NFILZ: variants seen among roughly 807,000 people sequenced by gnomAD.
NFILZ encodes NFIL3 like protein.
At chr19:8,641,439 A>C (rs1206517529) in intron 3 of NFILZ, among the ~76,000 whole-genome samples, 1 of 152,168 alleles carries the variant, frequency 6.6e-6, no homozygotes, top group African/African-American at 2.4e-5. Context: ...CATTGCCAAA[A>C]TTCCTCCCAC....
At chr19:8,668,285 A>ACTGTTGTC (rs368232136) in intron 3 of NFILZ, among the ~76,000 whole-genome samples, 1 of 151,546 alleles carries the variant, frequency 6.6e-6, no homozygotes, top group Non-Finnish European at 1.5e-5. Context: ...CATTATTTTT[A>ACTGTTGTC]TTGTTGTCTT....
At chr19:8,632,754 G>T (rs1272514075) in intron 2 of NFILZ, 129 bp downstream of exon 2, 1 of 147,006 alleles carries the variant, frequency 6.8e-6, no homozygotes, top group African/African-American at 2.5e-5. Context: ...ACGGAATCTC[G>T]CTCTGTCCCC....
chr19:8,656,445 C>CCCT (rs1568421649), intron 3 of NFILZ, among the ~76,000 whole-genome samples: 2 of 18,826 alleles, frequency 1.1e-4, no homozygotes, highest in African/African-American at 2.4e-4. Context: ...ACCTTCTCCT[C>CCCT]GAAGCCCACC....
intron 3 of NFILZ, among the ~76,000 whole-genome samples, chr19:8,668,345 T>C (rs1257535864): frequency 6.6e-6 from 1 of 152,246 alleles, no homozygotes; most frequent in East Asian, 1.9e-4. Context: ...GTTGAATCCA[T>C]GGATATGGAA....
At chr19:8,632,871 C>T (rs574072851) in intron 2 of NFILZ, among the ~76,000 whole-genome samples, 5 of 151,880 alleles carry the variant, frequency 3.3e-5, no homozygotes, top group South Asian at 2.1e-4. Context: ...TACAGGCACA[C>T]ACCACCATGC....
At chr19:8,663,762 G>GTGTGTATGTA (rs2043048281) in intron 3 of NFILZ, among the ~76,000 whole-genome samples, 1 of 137,842 alleles carries the variant, frequency 7.3e-6, no homozygotes, top group African/African-American at 2.5e-5. Context: ...GTGTGTGTGT[G>GTGTGTATGTA]TGTGTGTGTA....
At chr19:8,657,296 G>C (rs1600148373) in intron 3 of NFILZ, among the ~76,000 whole-genome samples, 1 of 151,736 alleles carries the variant, frequency 6.6e-6, no homozygotes, top group South Asian at 2.1e-4. Flanking sequence ...AGAGAGGGGG[G>C]TTTCATCATG....
chr19:8,656,289 C>CCTTCTCCCTGA lies in NFILZ; in HGVS notation c.-163-18262_-163-18261insCTTCTCCCTGA, dbSNP rs1212956882. On this transcript the variant is annotated intron_variant, in intron 3 of 5. Coordinates refer to ENST00000691075, the MANE Select transcript of NFILZ (RefSeq NM_001378600.1). Reference sequence around the variant, plus strand: ...CTCTCTGAAGCCCACCTTCTCCCCACAGCCCACCTCCTCCCGCAGCGCACC... The same window carrying CCTTCTCCCTGA: ...CTCTCTGAAGCCCACCTTCTCCCCACCTTCTCCCTGAAGCCCACCTCCTCCCGCAGCGCACC... Among the ~76,000 whole-genome samples, 9 of 32,956 alleles carry CCTTCTCCCTGA rather than the reference C, an allele frequency of 2.7e-4. 1 individual carries two copies. The highest frequency in any genetic ancestry group is 7.7e-4 in the African/African-American group (9 of 11,630). 21.6% of individuals were successfully genotyped at this position (32,956 alleles called of 152,430 possible). A position where few individuals can be genotyped will look rare whatever the true frequency, so the allele number is the denominator to read the frequency against.
intron 3 of NFILZ, among the ~76,000 whole-genome samples, chr19:8,637,456 T>C (rs2042899707): frequency 6.8e-6 from 1 of 146,884 alleles, no homozygotes; most frequent in Non-Finnish European, 1.5e-5. Flanking sequence ...CTACTAAAAA[T>C]ACAAAAATTA....
rs2043085855 is a variant in NFILZ, at chr19:8,671,323, T to G, written c.-163-3228T>G. Among the ~76,000 whole-genome samples, 5 of 152,080 alleles carry G rather than the reference T, an allele frequency of 3.3e-5. No homozygotes were observed. The South Asian group carries it at 8.3e-4, about 25-fold the overall frequency. On this transcript the variant is annotated intron_variant, in intron 3 of 5. Transcript: ENST00000691075. ...ACCACAGGAAGGCCCAGCCCAGCTC[T>G]TACTGTGTTTTCTTTAAATAAACTC... is the stretch of plus-strand genomic sequence containing the variant.
chr19:8,631,825 C>T lies in NFILZ; in HGVS notation c.-410-651C>T, dbSNP rs1362824508. On this transcript the variant is annotated intron_variant, in intron 1 of 5. Coordinates refer to ENST00000691075, the MANE Select transcript of NFILZ (RefSeq NM_001378600.1). ...CTGGGGGCTTGGTCACTCCAGTCCT[C>T]GCTTTTGTGTGTGTGTGTGTGTGTG... 1.4e-4 allele frequency among the ~76,000 whole-genome samples: 17 copies of T among 119,536 alleles called. 1 individual carries two copies. The highest frequency in any genetic ancestry group is 1.2e-3 in the Admixed American group (13 of 11,068). The allele number at this position is 119,536 out of a possible 152,430, so 78.4% of individuals were successfully genotyped here.
At chr19:8,664,660 G>A (rs1412401254) in intron 3 of NFILZ, among the ~76,000 whole-genome samples, 1 of 152,124 alleles carries the variant, frequency 6.6e-6, no homozygotes, top group Non-Finnish European at 1.5e-5. Flanking sequence ...CCTGAACCCC[G>A]TGGAAATGTG....
At chr19:8,658,678 T>G (rs900305346) in intron 3 of NFILZ, among the ~76,000 whole-genome samples, 1 of 150,780 alleles carries the variant, frequency 6.6e-6, no homozygotes, top group Non-Finnish European at 1.5e-5. Flanking sequence ...CATTCATTCA[T>G]TCATTCATTC....
At chr19:8,663,116 G>C (rs1392770237) in intron 3 of NFILZ, among the ~76,000 whole-genome samples, 1 of 151,520 alleles carries the variant, frequency 6.6e-6, no homozygotes, top group Non-Finnish European at 1.5e-5. Context: ...CCTGGGTTTT[G>C]TTTTGTTTTG....
chr19:8,650,687 T>C (rs937074913), intron 3 of NFILZ, among the ~76,000 whole-genome samples: 10 of 148,020 alleles, frequency 6.8e-5, no homozygotes, highest in African/African-American at 2.5e-4. Context: ...GAAATAGAAA[T>C]AAAAGGAAAC....
At chr19:8,636,090 T>G (rs12975581) in intron 3 of NFILZ, among the ~76,000 whole-genome samples, 139,009 of 151,956 alleles carry the variant, frequency 0.91, 63,846 homozygotes, top group Non-Finnish European at 0.95. Context: ...ACCCGGCTCA[T>G]CCTCCCAAAG....
Position 8,680,064 on chromosome 19 carries a change from C to T in NFILZ, c.*2429C>T, listed in dbSNP as rs781891109. Among the ~76,000 whole-genome samples the T allele has an allele frequency of 1.3e-5, 2 of 151,756 alleles. No individual in the cohort carries two copies. Among genetic ancestry groups the T allele is most frequent in the Non-Finnish European group, 2.9e-5 (2 of 67,962 alleles). ...TACAAAAATTAGCCGGGCATGGTAG[C>T]GAGCGCCTGTAATCTCAGCTACTTG... On this transcript the variant is annotated 3_prime_UTR_variant, in exon 6 of 6. Transcript: ENST00000691075.
At chr19:8,642,571 C>T (rs1441323921) in intron 3 of NFILZ, among the ~76,000 whole-genome samples, 2 of 151,954 alleles carry the variant, frequency 1.3e-5, no homozygotes, top group African/African-American at 4.8e-5. Context: ...GGGCTGACTA[C>T]CTTGGATTGC....
chr19:8,664,345 T>C (rs1267868563), intron 3 of NFILZ, among the ~76,000 whole-genome samples: 2 of 152,180 alleles, frequency 1.3e-5, no homozygotes, highest in African/African-American at 4.8e-5. Flanking sequence ...TCACCGGCTC[T>C]GGACACCCCT....
Sources: gnomAD v4.1 joint callset for allele counts (sites outside exome capture counted in the v4.1 genomes callset) on GRCh38, gnomAD v4.1.1 for gene constraint, MANE v1.5 for transcripts, NCBI Gene and HGNC (gene_info 2026-07-23, HGNC 2026-07-21) for gene names.